The following MAB21L4 variants were observed in gnomAD, a reference collection of about 807,000 sequenced individuals.
MAB21L4 encodes mab-21 like 4.
MAB21L4 carries 25 observed loss-of-function variants against 32.4 expected under a neutral mutation model. The ratio of observed to expected loss-of-function variants is 0.77; its 90% CI spans 0.56 to 1.08. MAB21L4 has a LOEUF of 1.08. Ranked by LOEUF, MAB21L4 falls within the 50% of genes least tolerant of loss-of-function variation. The pLI is 0.00. For missense variants in MAB21L4, 638 were observed against 611.0 expected (o/e 1.04, Z -0.47); for synonymous variants, 280 against 276.8 (o/e 1.01, Z -0.11).
chr2:240,890,131 C>G lies in MAB21L4; in HGVS notation c.768G>C (p.Arg256Ser), dbSNP rs766241446. Reference protein sequence around the residue: ...WRTSTDYLLTRLLGELGSLQG... With the variant: ...WRTSTDYLLTSLLGELGSLQG... Reference sequence around the variant, plus strand: ...GCAGGGAGCCCAGCTCCCCCAGCAGCCTCGTGAGCAGGTAGTCAGTGGAGG... The same window carrying G: ...GCAGGGAGCCCAGCTCCCCCAGCAGGCTCGTGAGCAGGTAGTCAGTGGAGG... The change falls in exon 3 of 5, where the codon AGG (arginine) becomes AGC (serine). Residue 256 changes from arginine to serine, a missense_variant. Coordinates refer to ENST00000388934, the MANE Select transcript of MAB21L4 (RefSeq NM_001085437.3). The G allele has an allele frequency of 2.5e-6, 4 of 1,610,360 alleles. No homozygotes were observed. In the South Asian group the frequency reaches 4.4e-5, roughly 18 times the overall value.
intron 4 of MAB21L4, 147 bp from the exon 5 acceptor site, chr2:240,887,309 T>A: frequency 1.5e-6 from 1 of 656,206 alleles, no homozygotes; most frequent in Non-Finnish European, 2.7e-6. Flanking sequence ...TGGACAGGCA[T>A]CCTAGAGGCG....
At chr2:240,892,987 G>C (rs1199043444) in intron 1 of MAB21L4, among the ~76,000 whole-genome samples, 1 of 152,074 alleles carries the variant, frequency 6.6e-6, no homozygotes, top group Non-Finnish European at 1.5e-5. Flanking sequence ...AGAATGAAGA[G>C]GTGAGGTGTC....
chr2:240,891,998 TCGG>T lies in MAB21L4; in HGVS notation c.515-238_515-236del. The stretch of plus-strand genomic sequence containing the variant: ...CATGCCTGCCCAATGGTGACAGTCC[TCGG>T]CACAACTGTCAGCTCAGCGACTTGC... On this transcript the variant is annotated intron_variant, in intron 1 of 4. Transcript: ENST00000388934. The T allele has an allele frequency of 2.0e-6, 3 of 1,517,546 alleles. No individual in the cohort carries two copies. In the South Asian group the frequency reaches 3.7e-5, roughly 19 times the overall value. The allele number at this position is 1,517,546 out of a possible 1,614,324, so 94.0% of individuals were successfully genotyped here.
chr2:240,895,781 G>T lies in MAB21L4; in HGVS notation c.217C>A (p.Arg73Ser). Residue 73 changes from arginine to serine, a missense_variant, in exon 1 of 5, where the codon CGC (arginine) becomes AGC (serine). Arg to Ser is a moderately radical substitution (Grantham distance 110). Transcript: ENST00000388934. The stretch of plus-strand genomic sequence containing the variant: ...ATGTCCATTGGGTCCTCAGAGGAGC[G>T]CAGGGCGAACTGGAAGGCCTCCAGG... ...RGLEAFQFAL[R>S]SSEDPMDMEV... 6.2e-7 allele frequency: 1 copy of T among 1,608,748 alleles called. No homozygotes were observed. The highest frequency in any genetic ancestry group is 8.5e-7 in the Non-Finnish European group (1 of 1,177,020).
At chr2:240,896,238 G>A (rs2059186888), upstream of MAB21L4, 18 of 1,115,598 alleles carry the variant, frequency 1.6e-5, no homozygotes, top group Non-Finnish European at 1.8e-5. Flanking sequence ...TGTCACAGGG[G>A]CCATGCAGGG....
chr2:240,886,056 A>G lies in MAB21L4; in HGVS notation c.*1014T>C, dbSNP rs1285635480. 6.6e-6 allele frequency: 1 copy of G among 152,370 alleles called. No individual in the cohort carries two copies. The highest frequency in any genetic ancestry group is 2.4e-5 in the African/African-American group (1 of 41,426). 9.4% of individuals were successfully genotyped at this position (152,370 alleles called of 1,614,324 possible). ...AACTACCTGAGACTGGGTAATGAAT[A>G]AAGAGGTTTAATTGACTCACAGTCC... On this transcript the variant is annotated 3_prime_UTR_variant, in exon 5 of 5. Coordinates refer to ENST00000388934, the MANE Select transcript of MAB21L4 (RefSeq NM_001085437.3).
rs1248226709 is a variant in MAB21L4, at chr2:240,890,168, A to G, written c.741-10T>C. The G allele has an allele frequency of 6.3e-7, 1 of 1,589,736 alleles. No homozygotes were observed. Among genetic ancestry groups the G allele is most frequent in the African/African-American group, 1.3e-5 (1 of 74,534 alleles). On this transcript the variant is annotated splice_polypyrimidine_tract_variant and intron_variant, in intron 2 of 4. Coordinates refer to ENST00000388934, the MANE Select transcript of MAB21L4 (RefSeq NM_001085437.3). ...GTAGTCAGTGGAGGTCCTGGGGCCC[A>G]GACAGACGCACTGGGTCAGCCCCCG...
At chr2:240,892,151 C>A in intron 1 of MAB21L4, 1 of 1,023,942 alleles carries the variant, frequency 9.8e-7, no homozygotes, top group Non-Finnish European at 1.3e-6. Context: ...TCACTCTGCC[C>A]CAGCCCTGGG....
At chr2:240,893,100 G>C (rs2059164175) in intron 1 of MAB21L4, among the ~76,000 whole-genome samples, 1 of 152,224 alleles carries the variant, frequency 6.6e-6, no homozygotes, top group Admixed American at 6.5e-5. Context: ...CAGCCAGGGT[G>C]CCCAGGTCAC....
intron 2 of MAB21L4, among the ~76,000 whole-genome samples, chr2:240,890,404 C>T (rs369827396): frequency 7.9e-4 from 121 of 152,348 alleles, no homozygotes; most frequent in Middle Eastern, 3.4e-3. Flanking sequence ...CAGGCCAGTC[C>T]GGCCCTTTGT....
chr2:240,894,172 C>T (rs543913095), intron 1 of MAB21L4, among the ~76,000 whole-genome samples: 36 of 151,916 alleles, frequency 2.4e-4, no homozygotes, highest in East Asian at 1.8e-3. Flanking sequence ...GCCCCAGCGC[C>T]GGGCATCCCC....
chr2:240,895,870 A>T lies in MAB21L4; in HGVS notation c.128T>A (p.Leu43Gln). The change falls in exon 1 of 5, where the codon CTG becomes CAG. Residue 43 changes from leucine (L) to glutamine (Q), a missense_variant. Leu to Gln is a moderately radical substitution (Grantham distance 113, BLOSUM62 -2). Coordinates refer to ENST00000388934, the MANE Select transcript of MAB21L4 (RefSeq NM_001085437.3). ...AQDFQRAENV[L>Q]LTVLERVHAL... ...ATGCACGCGCTCCAGCACCGTGAGCAGCACGTTCTCTGCGCGCTGGAAGTC... is the reference window on the plus strand; with the variant it reads ...ATGCACGCGCTCCAGCACCGTGAGCTGCACGTTCTCTGCGCGCTGGAAGTC... 6.4e-7 allele frequency: 1 copy of T among 1,554,318 alleles called. No individual in the cohort carries two copies. Among genetic ancestry groups the T allele is most frequent in the Non-Finnish European group, 8.7e-7 (1 of 1,147,816 alleles).
intron 2 of MAB21L4, among the ~76,000 whole-genome samples, chr2:240,890,491 C>T (rs752513563): frequency 2.1e-4 from 32 of 152,174 alleles, no homozygotes; most frequent in Non-Finnish European, 4.3e-4. Context: ...CCACTCATGG[C>T]CCCTTCAGGA....
In MAB21L4 at chr2:240,891,603, C is replaced by T. The variant is rs574915952; in HGVS notation, c.675G>A (p.Glu225=). The T allele has an allele frequency of 1.2e-6, 2 of 1,610,198 alleles. No homozygotes were observed. The highest frequency in any genetic ancestry group is 2.2e-5 in the South Asian group (2 of 91,082). The change falls in exon 2 of 5, where the codon GAG becomes GAA. Residue 225 remains glutamate, a synonymous_variant. Coordinates refer to ENST00000388934, the MANE Select transcript of MAB21L4 (RefSeq NM_001085437.3). Reference sequence around the variant, plus strand: ...GGCTGAGGATCCTTCTCAAGCTGCCCTCAGGGAATCCGGGCATCTGCTGCA... The same window carrying T: ...GGCTGAGGATCCTTCTCAAGCTGCCTTCAGGGAATCCGGGCATCTGCTGCA... ...EGVQQMPGFP[E]GSLRRILSQG...
In MAB21L4 at chr2:240,895,514, G is replaced by A. The variant is rs1487798490; in HGVS notation, c.484C>T (p.His162Tyr). 6.3e-6 allele frequency: 10 copies of A among 1,590,046 alleles called. No individual in the cohort carries two copies. The African/African-American group carries it at 1.1e-4, about 17-fold the overall frequency. ...LKDLLVAAIV[H>Y]CKHHSLIAPG... Reference sequence around the variant, plus strand: ...GCGATGAGACTGTGGTGCTTGCAGTGTACGATGGCTGCTACCAGCAGGTCC... The same window carrying A: ...GCGATGAGACTGTGGTGCTTGCAGTATACGATGGCTGCTACCAGCAGGTCC... The change falls in exon 1 of 5, where the codon CAC (histidine) becomes TAC (tyrosine). Residue 162 changes from histidine (H) to tyrosine (Y), a missense_variant. His to Tyr is a moderately conservative substitution (Grantham distance 83). Coordinates refer to ENST00000388934, the MANE Select transcript of MAB21L4 (RefSeq NM_001085437.3).
intron 1 of MAB21L4, among the ~76,000 whole-genome samples, chr2:240,893,614 C>T (rs1355507983): frequency 6.6e-6 from 1 of 152,192 alleles, no homozygotes; most frequent in African/African-American, 2.4e-5. Flanking sequence ...GTCACCTAGG[C>T]TGCCACTTCC....
rs920348838 is a variant in MAB21L4, at chr2:240,886,350, C to T, written c.*720G>A. 5 of 152,188 alleles carry T rather than the reference C, an allele frequency of 3.3e-5. No individual in the cohort carries two copies. Among genetic ancestry groups the T allele is most frequent in the African/African-American group, 1.2e-4 (5 of 41,426 alleles). 9.4% of individuals were successfully genotyped at this position (152,188 alleles called of 1,614,324 possible). A position where few individuals can be genotyped will look rare whatever the true frequency, so the allele number is the denominator to read the frequency against. On this transcript the variant is annotated 3_prime_UTR_variant, in exon 5 of 5. Transcript: ENST00000388934. ...CTGGGGATTACAAGTCTACCTGAGA[C>T]TTGGGTGGGGACACAGATCCAATTC...
chr2:240,890,532 G>A (rs1040796817), intron 2 of MAB21L4, among the ~76,000 whole-genome samples: 4 of 152,286 alleles, frequency 2.6e-5, no homozygotes, highest in East Asian at 3.9e-4. Flanking sequence ...AGGGGTGGCC[G>A]CATGATGGGC....
At position 240,896,061 on chromosome 2, in the gene MAB21L4, A is replaced by G. The variant is rs1183633653; in HGVS notation, c.-64T>C. 2 of 1,402,054 alleles carry G rather than the reference A, an allele frequency of 1.4e-6. No individual in the cohort carries two copies. Among genetic ancestry groups the G allele is most frequent in the Non-Finnish European group, 1.8e-6 (2 of 1,084,220 alleles). 86.9% of individuals were successfully genotyped at this position (1,402,054 alleles called of 1,614,324 possible). A position where few individuals can be genotyped will look rare whatever the true frequency, so the allele number is the denominator to read the frequency against. ...GGAGGACTCCGCAGGCCAGCTGTGC[A>G]GATGGGCTGTGAGGAGGCACCTGCC... is the stretch of plus-strand genomic sequence containing the variant. On this transcript the variant is annotated 5_prime_UTR_variant, in exon 1 of 5. Coordinates refer to ENST00000388934, the MANE Select transcript of MAB21L4 (RefSeq NM_001085437.3).
Sources: gnomAD v4.1 joint callset for allele counts (sites outside exome capture counted in the v4.1 genomes callset) on GRCh38, gnomAD v4.1.1 for gene constraint, MANE v1.5 for transcripts, NCBI Gene and HGNC (gene_info 2026-07-23, HGNC 2026-07-21) for gene names.